The following SOCS2 variants were observed in gnomAD, a reference collection of about 807,000 sequenced individuals.
SOCS2 encodes CIS-2.
In SOCS2, 10 loss-of-function variants were observed where a neutral mutation model predicts 18.6. The observed-to-expected ratio is 0.54, with a 90% CI of 0.33 to 0.91. SOCS2 has a LOEUF of 0.91. SOCS2 is among the 40% of genes least tolerant of loss of function. The pLI is 0.02. For synonymous variants in SOCS2, 104 were observed against 104.0 expected (o/e 1.00, Z 0.00); for missense variants, 231 against 247.2 (o/e 0.93, Z 0.44).
At chr12:93,596,832 A>AAC in the SOCS2 span, among the ~76,000 whole-genome samples, 1 of 152,086 alleles carries the variant, frequency 6.6e-6, no homozygotes, top group African/African-American at 2.4e-5. Context: ...TGTCTCAAAC[A>AAC]AACAACAACA....
chr12:93,611,957 T>C, the SOCS2 span, among the ~76,000 whole-genome samples: 59 of 152,190 alleles, frequency 3.9e-4, no homozygotes, highest in African/African-American at 1.4e-3. Flanking sequence ...ACTGCTTTTT[T>C]TGTTTGATCA....
chr12:93,576,748 T>G (rs530049723), downstream of SOCS2: 1 of 152,332 alleles, frequency 6.6e-6, no homozygotes, highest in South Asian at 2.1e-4. Context: ...TTACTGGATA[T>G]CTTACCTTAT....
downstream of SOCS2, among the ~76,000 whole-genome samples, chr12:93,581,678 TC>T (rs1342869187): frequency 6.6e-6 from 1 of 152,174 alleles, no homozygotes; most frequent in Non-Finnish European, 1.5e-5. Flanking sequence ...TTTTTTTTCT[TC>T]CTCCCTCCCT....
chr12:93,572,608 A>T, upstream of SOCS2: 1 of 623,340 alleles, frequency 1.6e-6, no homozygotes, highest in East Asian at 3.2e-5. This position sits in a 1 kb window ranked among gnomAD's most constrained non-coding sequence, Gnocchi z 5.0. Flanking sequence ...GGGATTTTCC[A>T]CGTCTATTTC....
the SOCS2 span, among the ~76,000 whole-genome samples, chr12:93,604,474 A>C: frequency 6.6e-6 from 1 of 152,196 alleles, no homozygotes; most frequent in African/African-American, 2.4e-5. Flanking sequence ...TAGTTTTGTC[A>C]GAAGAATGAT....
the SOCS2 span, among the ~76,000 whole-genome samples, chr12:93,592,847 A>G: frequency 2.0e-5 from 3 of 150,912 alleles, no homozygotes; most frequent in Non-Finnish European, 2.9e-5. Context: ...GGACAGGCAC[A>G]TGGCTCTATG....
the SOCS2 span, among the ~76,000 whole-genome samples, chr12:93,623,242 A>C: frequency 6.6e-6 from 1 of 151,026 alleles, no homozygotes; most frequent in African/African-American, 2.4e-5. Context: ...TCCTCCTCTC[A>C]CTCACTCCTT....
chr12:93,604,224 T>G, the SOCS2 span, among the ~76,000 whole-genome samples: 57,737 of 151,548 alleles, frequency 0.38, 12,494 homozygotes, highest in African/African-American at 0.61. Flanking sequence ...ACAAGAAAAA[T>G]AGTTTTTCTC....
chr12:93,601,390 T>C, the SOCS2 span, among the ~76,000 whole-genome samples: 1 of 152,150 alleles, frequency 6.6e-6, no homozygotes, highest in Admixed American at 6.5e-5. Flanking sequence ...TTTTCCATCC[T>C]TAGCCTCCCA....
At chr12:93,572,643 G>C, upstream of SOCS2, 1 of 690,314 alleles carries the variant, frequency 1.4e-6, no homozygotes, top group South Asian at 1.5e-5. This position sits in a 1 kb window ranked among gnomAD's most constrained non-coding sequence, Gnocchi z 5.0. Context: ...AGCCGCAGGG[G>C]TCCAGTTTGG....
At chr12:93,582,860 A>G (rs7310389) in intron 1 of SOCS2, among the ~76,000 whole-genome samples, 44,533 of 151,908 alleles carry the variant, frequency 0.29, 7,345 homozygotes, top group African/African-American at 0.46. Flanking sequence ...CATTGGGGTG[A>G]GAGTGCTCAG....
At chr12:93,625,762 A>G in the SOCS2 span, among the ~76,000 whole-genome samples, 1 of 151,360 alleles carries the variant, frequency 6.6e-6, no homozygotes, top group Middle Eastern at 3.4e-3. Context: ...AAAAAAAAAA[A>G]AAAAGAGAAT....
chr12:93,577,476 C>T (rs1954482299), downstream of SOCS2, among the ~76,000 whole-genome samples: 1 of 150,956 alleles, frequency 6.6e-6, no homozygotes, highest in Admixed American at 6.6e-5. Context: ...AGGTTCCCCT[C>T]CTGATTTGTG....
chr12:93,580,305 G>T (rs1954520568), downstream of SOCS2, among the ~76,000 whole-genome samples: 1 of 152,116 alleles, frequency 6.6e-6, no homozygotes, highest in Admixed American at 6.6e-5. Flanking sequence ...CCAGAATGCT[G>T]CTGTGATCTT....
At chr12:93,592,142 A>AT in the SOCS2 span, among the ~76,000 whole-genome samples, 101 of 152,272 alleles carry the variant, frequency 6.6e-4, no homozygotes, top group African/African-American at 2.4e-3. Context: ...TTGTTCCAGA[A>AT]TTTTTTTAAT....
At chr12:93,596,809 C>T in the SOCS2 span, among the ~76,000 whole-genome samples, 4 of 152,222 alleles carry the variant, frequency 2.6e-5, no homozygotes, top group African/African-American at 9.6e-5. Context: ...GACTGGGAGA[C>T]GGAGCAAGAC....
chr12:93,601,419 C>T, the SOCS2 span, among the ~76,000 whole-genome samples: 16 of 152,128 alleles, frequency 1.1e-4, no homozygotes, highest in East Asian at 2.7e-3. Flanking sequence ...GGATTACAGG[C>T]GCCCACCACC....
the SOCS2 span, among the ~76,000 whole-genome samples, chr12:93,596,880 G>T: frequency 6.6e-6 from 1 of 152,094 alleles, no homozygotes; most frequent in Non-Finnish European, 1.5e-5. Flanking sequence ...TTTCTGCCCT[G>T]CACCCTCCAC....
At chr12:93,605,505 T>A in the SOCS2 span, among the ~76,000 whole-genome samples, 5 of 152,202 alleles carry the variant, frequency 3.3e-5, no homozygotes, top group Non-Finnish European at 5.9e-5. Context: ...TGTTAATAGT[T>A]GTTGATCCCT....
Sources: allele counts gnomAD v4.1 joint callset (sites outside exome capture counted in the v4.1 genomes callset), GRCh38; gene constraint gnomAD v4.1.1; non-coding constraint Gnocchi (gnomAD v3.1); transcripts MANE v1.5; gene names NCBI Gene and HGNC (gene_info 2026-07-23, HGNC 2026-07-21).